The following MIPOL1 variants were observed in gnomAD, a reference collection of about 807,000 sequenced individuals.
MIPOL1 encodes the protein mirror-image polydactyly 1, also known as mirror-image polydactyly gene 1 protein.
Under a neutral mutation model 60.9 loss-of-function variants are expected in MIPOL1, and 57 were observed. That is an observed-to-expected ratio of 0.94 (90% CI 0.76 to 1.17). The LOEUF is 1.17. Among genes scored for constraint, MIPOL1 ranks in the 50% most tolerant of loss-of-function variants. MIPOL1 has a pLI of 0.00. For synonymous variants in MIPOL1, 179 were observed against 168.8 expected (o/e 1.06, Z -0.47); for missense variants, 551 against 511.6 (o/e 1.08, Z -0.74).
rs1440493908 is a variant in MIPOL1 at position 37,203,070 on chromosome 14, A to T, written c.-199+4966A>T. On this transcript the variant is annotated intron_variant, in intron 1 of 12. Coordinates refer to ENST00000684589, the MANE Select transcript of MIPOL1 (RefSeq NM_001388067.1). ...GATGGCTTTAGGGTTGATGAGAGAA[A>T]AAGAGATAATGCACAAGATTAATCA... Among the ~76,000 whole-genome samples, 5 of 152,212 alleles carry T rather than the reference A, an allele frequency of 3.3e-5. No homozygotes were observed. In the East Asian group the frequency reaches 9.6e-4, roughly 29 times the overall value.
At chr14:37,535,526 G>A (rs1019887820) in intron 12 of MIPOL1, among the ~76,000 whole-genome samples, 2 of 152,162 alleles carry the variant, frequency 1.3e-5, no homozygotes, top group Non-Finnish European at 2.9e-5. Flanking sequence ...GTTTTCCTAT[G>A]TAACACACTC....
intron 1 of MIPOL1, among the ~76,000 whole-genome samples, chr14:37,242,636 G>T (rs1972538581): frequency 6.6e-6 from 1 of 152,072 alleles, no homozygotes; most frequent in Non-Finnish European, 1.5e-5. Context: ...TGCTAGTCAT[G>T]TCCCTCCACC....
intron 1 of MIPOL1, among the ~76,000 whole-genome samples, chr14:37,218,111 GTTTC>G (rs1464808898): frequency 2.6e-5 from 4 of 151,898 alleles, no homozygotes; most frequent in East Asian, 1.9e-4. Flanking sequence ...CTGATTTCTA[GTTTC>G]TTTCTTTTCT....
chr14:37,519,439 C>T (rs1322313959), intron 12 of MIPOL1, among the ~76,000 whole-genome samples: 3 of 152,142 alleles, frequency 2.0e-5, no homozygotes, highest in East Asian at 3.9e-4. Flanking sequence ...GCTTTAGAGA[C>T]TGTCAGTGTT....
chr14:37,441,430 G>T (rs367855697), intron 11 of MIPOL1, among the ~76,000 whole-genome samples: 11 of 152,020 alleles, frequency 7.2e-5, no homozygotes, highest in East Asian at 5.8e-4. Flanking sequence ...GAGAGATAAG[G>T]GTTCAGTTTC....
At chr14:37,474,459 T>C (rs1178253951) in intron 11 of MIPOL1, among the ~76,000 whole-genome samples, 1 of 152,168 alleles carries the variant, frequency 6.6e-6, no homozygotes, top group Non-Finnish European at 1.5e-5. Context: ...ATAAGTCTCA[T>C]GAGATCTAAT....
At chr14:37,493,900 T>C (rs1310919143) in intron 11 of MIPOL1, among the ~76,000 whole-genome samples, 2 of 152,190 alleles carry the variant, frequency 1.3e-5, no homozygotes, top group Non-Finnish European at 2.9e-5. Flanking sequence ...TATGTTCCTA[T>C]ACAACTTAAG....
chr14:37,481,560 A>ACACACACACACAC (rs1491233595), intron 11 of MIPOL1, among the ~76,000 whole-genome samples: 1 of 113,148 alleles, frequency 8.8e-6, no homozygotes, highest in Non-Finnish European at 1.8e-5. Flanking sequence ...GACCCCCCCC[A>ACACACACACACAC]ACACACACAC....
intron 12 of MIPOL1, among the ~76,000 whole-genome samples, chr14:37,510,088 A>C (rs1380418578): frequency 6.6e-6 from 1 of 152,008 alleles, no homozygotes; most frequent in African/African-American, 2.4e-5. Context: ...ATGTATGTGT[A>C]AATACATATA....
chr14:37,369,723 T>C, intron 10 of MIPOL1, 99 bp downstream of exon 10: 1 of 768,534 alleles, frequency 1.3e-6, no homozygotes, highest in South Asian at 1.9e-5. Context: ...TCAGCAGAAG[T>C]GAGCTGTGGT....
intron 11 of MIPOL1, among the ~76,000 whole-genome samples, chr14:37,468,594 T>G (rs2094633534): frequency 6.6e-6 from 1 of 152,168 alleles, no homozygotes; most frequent in Non-Finnish European, 1.5e-5. Flanking sequence ...ACATAAAAAA[T>G]TAAGAACAAC....
chr14:37,482,964 A>G (rs2094893228), intron 11 of MIPOL1, among the ~76,000 whole-genome samples: 1 of 152,186 alleles, frequency 6.6e-6, no homozygotes, highest in African/African-American at 2.4e-5. Context: ...TAGTGTTTGC[A>G]CATAACCTAT....
chr14:37,268,557 T>A (rs2083051425), intron 4 of MIPOL1, 101 bp from the exon 5 acceptor site: 3 of 841,102 alleles, frequency 3.6e-6, no homozygotes, highest in Non-Finnish European at 5.5e-6. Context: ...CCTTCCTTTA[T>A]GGTGTTTGCT....
At chr14:37,451,389 T>G (rs2094414474) in intron 11 of MIPOL1, among the ~76,000 whole-genome samples, 1 of 152,334 alleles carries the variant, frequency 6.6e-6, no homozygotes, top group East Asian at 1.9e-4. Flanking sequence ...TTTTGAGAAT[T>G]TTTAAAAATA....
At chr14:37,299,362 C>T (rs2153426980) in intron 7 of MIPOL1, among the ~76,000 whole-genome samples, 1 of 152,074 alleles carries the variant, frequency 6.6e-6, no homozygotes, top group African/African-American at 2.4e-5. Flanking sequence ...ATGGGTGCAG[C>T]ACACCAACAT....
intron 3 of MIPOL1, among the ~76,000 whole-genome samples, chr14:37,263,982 T>C (rs2082689341): frequency 6.6e-6 from 1 of 152,200 alleles, no homozygotes; most frequent in African/African-American, 2.4e-5. Flanking sequence ...TTTAATGGCA[T>C]TTTATTGGCT....
chr14:37,542,725 A>G (rs1175226768), intron 12 of MIPOL1, among the ~76,000 whole-genome samples: 11 of 152,120 alleles, frequency 7.2e-5, no homozygotes, highest in South Asian at 6.2e-4. Context: ...ACATTTATCA[A>G]TAACTTACTG....
At chr14:37,504,200 G>A (rs2095253554) in intron 12 of MIPOL1, 2 of 152,094 alleles carry the variant, frequency 1.3e-5, no homozygotes, top group Admixed American at 6.5e-5. Context: ...AGATCAACGA[G>A]AGAGGAGGTT....
chr14:37,369,783 T>C (rs945816841), intron 10 of MIPOL1, 159 bp downstream of exon 10: 6 of 446,528 alleles, frequency 1.3e-5, no homozygotes, highest in Non-Finnish European at 2.0e-5. Context: ...CCTTTTGTTA[T>C]GGTATTATTT....
Sources: allele counts gnomAD v4.1 joint callset (sites outside exome capture counted in the v4.1 genomes callset), GRCh38; gene constraint gnomAD v4.1.1; transcripts MANE v1.5; gene names NCBI Gene and HGNC (gene_info 2026-07-23, HGNC 2026-07-21).